CSMD1: variants seen among roughly 807,000 people sequenced by gnomAD.
The protein encoded by CSMD1 is CUB and sushi domain-containing protein 1.
Under a neutral mutation model 417.5 loss-of-function variants are expected in CSMD1, and 213 were observed. The ratio of observed to expected loss-of-function variants is 0.51; its 90% CI spans 0.46 to 0.57. The LOEUF (loss-of-function observed/expected upper bound fraction) is 0.57. CSMD1 is among the 20% of genes least tolerant of loss of function. CSMD1 has a pLI of 0.00. For missense variants in CSMD1, 6,923 were observed against 4,529.7 expected, an observed-to-expected ratio of 1.53 and a Z score of -15.17; for synonymous variants, 2,862 against 1,736.8, an observed-to-expected ratio of 1.65 and a Z score of -16.11.
chr8:4,257,493 T>G (rs1803544868), intron 3 of CSMD1, among the ~76,000 whole-genome samples: 1 of 152,232 alleles, frequency 6.6e-6, no homozygotes, highest in Non-Finnish European at 1.5e-5. Context: ...TTCTATTAAT[T>G]TTCATATTTC....
chr8:4,825,582 G>C (rs1224653099), intron 1 of CSMD1, among the ~76,000 whole-genome samples: 1 of 112,608 alleles, frequency 8.9e-6, no homozygotes, highest in Non-Finnish European at 2.0e-5. Flanking sequence ...TCATACAAGT[G>C]GGATCAAAAA....
chr8:4,066,724 G>T (rs915947795), intron 3 of CSMD1, among the ~76,000 whole-genome samples: 2 of 152,102 alleles, frequency 1.3e-5, no homozygotes, highest in Non-Finnish European at 2.9e-5. Context: ...TGTTTGGGAC[G>T]AGAGTGAAGA....
intron 1 of CSMD1, among the ~76,000 whole-genome samples, chr8:4,708,508 T>G (rs1210006387): frequency 2.0e-5 from 3 of 152,180 alleles, no homozygotes; most frequent in Admixed American, 2.0e-4. Flanking sequence ...TAACTCAATC[T>G]GTAGTAATTC....
At chr8:4,323,262 G>A (rs1459830387) in intron 3 of CSMD1, among the ~76,000 whole-genome samples, 1 of 152,134 alleles carries the variant, frequency 6.6e-6, no homozygotes, top group Non-Finnish European at 1.5e-5. Flanking sequence ...TTGCTTAAAC[G>A]GAAGTTCTGT....
chr8:4,615,642 AT>A lies in CSMD1; in HGVS notation c.302+21699del, dbSNP rs529216173. On this transcript the variant is annotated intron_variant, in intron 2 of 69. Coordinates refer to ENST00000635120, the MANE Select transcript of CSMD1 (RefSeq NM_033225.6). ...AAAGTCATTCTTAAATAATAAATAT[AT>A]TTTTTTGTGAGTGTAAGGTGTTATT... Among the ~76,000 whole-genome samples, 8 of 152,030 alleles carry A rather than the reference AT, an allele frequency of 5.3e-5. No homozygotes were observed. The East Asian group carries it at 1.2e-3, about 22-fold the overall frequency.
intron 3 of CSMD1, among the ~76,000 whole-genome samples, chr8:4,160,675 C>T (rs867746694): frequency 6.6e-6 from 1 of 152,332 alleles, no homozygotes; most frequent in Middle Eastern, 3.4e-3. Flanking sequence ...CACATGTCCA[C>T]GCAATGTCCC....
At chr8:4,135,703 ATTG>A (rs1051203186) in intron 3 of CSMD1, among the ~76,000 whole-genome samples, 9 of 152,204 alleles carry the variant, frequency 5.9e-5, no homozygotes, top group African/African-American at 2.2e-4. Flanking sequence ...GGATATTATT[ATTG>A]TAATAATATA....
chr8:3,001,804 C>T (rs1318513094), intron 52 of CSMD1, among the ~76,000 whole-genome samples: 1 of 152,174 alleles, frequency 6.6e-6, no homozygotes, highest in Non-Finnish European at 1.5e-5. Context: ...GGGAACACAA[C>T]CAATGATTCT....
chr8:4,882,970 A>G (rs1043989449), intron 1 of CSMD1, among the ~76,000 whole-genome samples: 1 of 152,030 alleles, frequency 6.6e-6, no homozygotes. Flanking sequence ...AACTAAACCT[A>G]AAAACTGCCA....
At chr8:4,105,176 G>C (rs543514664) in intron 3 of CSMD1, among the ~76,000 whole-genome samples, 1 of 152,054 alleles carries the variant, frequency 6.6e-6, no homozygotes, top group Non-Finnish European at 1.5e-5. Context: ...CCATTCCATG[G>C]ATGCCATACA....
Position 2,957,806 on chromosome 8 carries a change from A to G in CSMD1, c.9704T>C (p.Val3235Ala), listed in dbSNP as rs1419835950. Residue 3235 changes from valine (V) to alanine (A), a missense_variant and splice_region_variant, in exon 63 of 70, where the codon GTT becomes GCT. Coordinates refer to ENST00000635120, the MANE Select transcript of CSMD1 (RefSeq NM_033225.6). The part of the protein sequence containing the change: ...GIQNSSRGYE[V>A]GSTVFFRCRK... ...GCACCTGAAAAAAACCGTGCTTCCA[A>G]CCTAGAGAGGAAATCCAATACTAGC... 2 of 1,573,368 alleles carry G rather than the reference A, an allele frequency of 1.3e-6. No individual in the cohort carries two copies. The highest frequency in any genetic ancestry group is 2.3e-5 in the South Asian group (2 of 85,888).
At chr8:4,056,694 C>A (rs1409237528) in intron 3 of CSMD1, among the ~76,000 whole-genome samples, 1 of 151,952 alleles carries the variant, frequency 6.6e-6, no homozygotes, top group African/African-American at 2.4e-5. Context: ...ACTCCCCCCA[C>A]CCCACAACAG....
At chr8:3,379,119 C>T (rs1810482970) in intron 18 of CSMD1, among the ~76,000 whole-genome samples, 1 of 151,948 alleles carries the variant, frequency 6.6e-6, no homozygotes, top group Admixed American at 6.6e-5. Flanking sequence ...AAACAGAGAG[C>T]CAAATCAAGA....
intron 5 of CSMD1, among the ~76,000 whole-genome samples, chr8:3,801,468 A>G (rs1800457146): frequency 6.6e-6 from 1 of 152,112 alleles, no homozygotes; most frequent in Non-Finnish European, 1.5e-5. Flanking sequence ...TGGACAGATG[A>G]TAATAGGCAC....
At chr8:3,127,356 C>T (rs1378874171) in intron 41 of CSMD1, 1 of 152,102 alleles carries the variant, frequency 6.6e-6, no homozygotes, top group Non-Finnish European at 1.5e-5. Context: ...CAGAATCCCC[C>T]GTTGAAAGGA....
rs866403590 is a variant in CSMD1 at position 4,265,732 on chromosome 8, A to T, written c.415+154221T>A. On this transcript the variant is annotated intron_variant, in intron 3 of 69. Coordinates refer to ENST00000635120, the MANE Select transcript of CSMD1 (RefSeq NM_033225.6). ...GATTAGGAAACAGTTAATGCAACAT[A>T]AAATGTTTGAAAACTTTAAATAGAG... Among the ~76,000 whole-genome samples, 81 of 104,868 alleles carry T rather than the reference A, an allele frequency of 7.7e-4. 28 individuals carry two copies. Among genetic ancestry groups the T allele is most frequent in the South Asian group, 1.9e-3 (5 of 2,666 alleles). The allele number at this position is 104,868 out of a possible 152,430, so 68.8% of individuals were successfully genotyped here. A position where few individuals can be genotyped will look rare whatever the true frequency, so the allele number is the denominator to read the frequency against.
intron 17 of CSMD1, among the ~76,000 whole-genome samples, chr8:3,392,539 C>A (rs1811413691): frequency 6.6e-6 from 1 of 152,032 alleles, no homozygotes; most frequent in Admixed American, 6.5e-5. Context: ...TCCGTGACCT[C>A]TGCTGGCCTT....
intron 3 of CSMD1, among the ~76,000 whole-genome samples, chr8:4,150,045 G>A (rs999371468): frequency 1.9e-4 from 29 of 152,188 alleles, no homozygotes; most frequent in African/African-American, 6.0e-4. Flanking sequence ...TAAAAGGCAC[G>A]TGTTGCTGTG....
At chr8:4,355,210 C>T (rs1309738913) in intron 3 of CSMD1, among the ~76,000 whole-genome samples, 2 of 151,760 alleles carry the variant, frequency 1.3e-5, no homozygotes, top group African/African-American at 4.8e-5. Context: ...TGCAATGATC[C>T]GAGATCGCGC....
Sources: gnomAD v4.1 joint callset for allele counts (sites outside exome capture counted in the v4.1 genomes callset) on GRCh38, gnomAD v4.1.1 for gene constraint, MANE v1.5 for transcripts, NCBI Gene and HGNC (gene_info 2026-07-23, HGNC 2026-07-21) for gene names.